The following GRIN2A variants were observed in gnomAD, a reference collection of about 807,000 sequenced individuals.
GRIN2A encodes the protein glutamate receptor ionotropic, NMDA 2A.
A neutral mutation model predicts 113.4 loss-of-function variants in GRIN2A; 22 were observed. That is an observed-to-expected ratio of 0.19 (90% CI 0.14 to 0.28). The LOEUF (loss-of-function observed/expected upper bound fraction) is 0.28. Ranked by LOEUF, GRIN2A falls within the 10% of genes least tolerant of loss-of-function variation. The pLI is 1.00. For synonymous variants in GRIN2A, 827 were observed against 738.4 expected, an observed-to-expected ratio of 1.12 and a Z score of -1.94; for missense variants, 1,502 against 1,887.0, an observed-to-expected ratio of 0.80 and a Z score of 3.78.
At chr16:10,019,564 C>A (rs1384742738) in intron 2 of GRIN2A, among the ~76,000 whole-genome samples, 1 of 152,208 alleles carries the variant, frequency 6.6e-6, no homozygotes, top group Non-Finnish European at 1.5e-5. Flanking sequence ...TGTACATAAA[C>A]AATTTATCTA....
intron 2 of GRIN2A, among the ~76,000 whole-genome samples, chr16:10,118,477 T>G (rs538462358): frequency 4.4e-4 from 67 of 152,308 alleles, no homozygotes; most frequent in South Asian, 1.2e-3. Context: ...AAATCTTCCT[T>G]GAGTGTATAC....
chr16:9,951,438 G>A (rs1046632542), intron 2 of GRIN2A, among the ~76,000 whole-genome samples: 4 of 152,232 alleles, frequency 2.6e-5, no homozygotes, highest in Non-Finnish European at 5.9e-5. Context: ...TCTCATGGGT[G>A]CATTTGTGTT....
intron 11 of GRIN2A, among the ~76,000 whole-genome samples, chr16:9,794,355 C>A (rs779219402): frequency 6.6e-6 from 1 of 152,190 alleles, no homozygotes; most frequent in Non-Finnish European, 1.5e-5. Flanking sequence ...ACTGAAGCTA[C>A]TGTGTAACAA....
At chr16:9,784,299 G>A (rs1399105506) in intron 11 of GRIN2A, among the ~76,000 whole-genome samples, 2 of 151,782 alleles carry the variant, frequency 1.3e-5, no homozygotes, top group African/African-American at 4.8e-5. Flanking sequence ...GCGTGGTGGT[G>A]GGTGCCTGTA....
chr16:9,919,578 G>A (rs903673673), intron 3 of GRIN2A, among the ~76,000 whole-genome samples: 7 of 152,132 alleles, frequency 4.6e-5, no homozygotes, highest in African/African-American at 7.2e-5. Flanking sequence ...GGAAAAGCTG[G>A]TGTCTAACAG....
chr16:9,872,463 G>C (rs1344580798), intron 4 of GRIN2A, among the ~76,000 whole-genome samples: 1 of 152,098 alleles, frequency 6.6e-6, no homozygotes, highest in African/African-American at 2.4e-5. Context: ...TCTAGCTTTT[G>C]TCCCCACTGA....
At position 9,759,186 on chromosome 16, in the gene GRIN2A, C is replaced by A. The variant is rs762196624; in HGVS notation, c.*3963G>T. 9.2e-6 allele frequency: 2 copies of A among 217,062 alleles called. No homozygotes were observed. The highest frequency in any genetic ancestry group is 1.9e-4 in the South Asian group (1 of 5,400). The allele number at this position is 217,062 out of a possible 1,614,324, so 13.4% of individuals were successfully genotyped here. A position where few individuals can be genotyped will look rare whatever the true frequency, so the allele number is the denominator to read the frequency against. On this transcript the variant is annotated 3_prime_UTR_variant, in exon 13 of 13. Transcript: ENST00000330684. ...ATTAGTGTTTATTTAGGTCTTAAACCGCAAGGGATTTCAGTACAAGGTACT... is the reference window on the plus strand; with the variant it reads ...ATTAGTGTTTATTTAGGTCTTAAACAGCAAGGGATTTCAGTACAAGGTACT...
chr16:10,065,621 G>T (rs192071991), intron 2 of GRIN2A, among the ~76,000 whole-genome samples: 3 of 152,276 alleles, frequency 2.0e-5, no homozygotes, highest in Non-Finnish European at 4.4e-5. Context: ...GTTTTTAAAA[G>T]AATTCAGTGA....
chr16:10,058,539 T>C (rs1738949738), intron 2 of GRIN2A, among the ~76,000 whole-genome samples: 1 of 152,222 alleles, frequency 6.6e-6, no homozygotes, highest in Non-Finnish European at 1.5e-5. Flanking sequence ...GTAATTTCTC[T>C]TGGTGAAAAA....
chr16:9,778,448 A>G (rs1279343874), intron 11 of GRIN2A, among the ~76,000 whole-genome samples: 1 of 152,246 alleles, frequency 6.6e-6, no homozygotes, highest in Non-Finnish European at 1.5e-5. Context: ...ATAGTCCTCA[A>G]AATCTGATGA....
At chr16:9,968,086 T>G (rs928926129) in intron 2 of GRIN2A, among the ~76,000 whole-genome samples, 1 of 152,092 alleles carries the variant, frequency 6.6e-6, no homozygotes, top group East Asian at 1.9e-4. Flanking sequence ...TATTGCAACG[T>G]GATTCTTACT....
intron 2 of GRIN2A, among the ~76,000 whole-genome samples, chr16:9,966,474 T>C (rs2045558574): frequency 6.6e-6 from 1 of 152,226 alleles, no homozygotes; most frequent in Non-Finnish European, 1.5e-5. Context: ...GGCTGCATAG[T>C]ATTCTGTGGA....
At chr16:10,032,878 G>C (rs894697276) in intron 2 of GRIN2A, among the ~76,000 whole-genome samples, 6 of 152,172 alleles carry the variant, frequency 3.9e-5, no homozygotes, top group Non-Finnish European at 7.3e-5. Context: ...TCACCCAATG[G>C]AGAGTTTCCT....
At chr16:10,154,168 C>G (rs1015948863) in intron 2 of GRIN2A, among the ~76,000 whole-genome samples, 1 of 152,208 alleles carries the variant, frequency 6.6e-6, no homozygotes, top group African/African-American at 2.4e-5. Flanking sequence ...ACATCCCCCT[C>G]CCCACCTACA....
chr16:9,967,242 A>G (rs1031943510), intron 2 of GRIN2A, among the ~76,000 whole-genome samples: 1 of 152,248 alleles, frequency 6.6e-6, no homozygotes, highest in Non-Finnish European at 1.5e-5. Context: ...GTAGATATAC[A>G]CCACGGAATA....
At chr16:10,114,654 G>A (rs1233651755) in intron 2 of GRIN2A, among the ~76,000 whole-genome samples, 1 of 152,162 alleles carries the variant, frequency 6.6e-6, no homozygotes. Flanking sequence ...TTCTTCAAAA[G>A]GTTATGAACC....
Position 9,934,724 on chromosome 16 carries a change from G to T in GRIN2A, c.1007+3235C>A, listed in dbSNP as rs373189756. Among the ~76,000 whole-genome samples, 78 of 111,006 alleles carry T rather than the reference G, an allele frequency of 7.0e-4. 2 individuals carry two copies. Among genetic ancestry groups the T allele is most frequent in the African/African-American group, 2.4e-3 (71 of 29,750 alleles). 72.8% of individuals were successfully genotyped at this position (111,006 alleles called of 152,430 possible). A position where few individuals can be genotyped will look rare whatever the true frequency, so the allele number is the denominator to read the frequency against. ...AAAAAAAGGAGATATAATCCTTTTT[G>T]TTTTTTTGTTTTTAAATGCTTTCTT... On this transcript the variant is annotated intron_variant, in intron 3 of 12. Transcript: ENST00000330684.
At chr16:9,995,643 G>A (rs1185981898) in intron 2 of GRIN2A, among the ~76,000 whole-genome samples, 1 of 151,346 alleles carries the variant, frequency 6.6e-6, no homozygotes, top group Non-Finnish European at 1.5e-5. Context: ...CAAGGTCCCA[G>A]TCATCTAATA....
chr16:10,072,408 G>A (rs1477054120), intron 2 of GRIN2A, among the ~76,000 whole-genome samples: 5 of 152,318 alleles, frequency 3.3e-5, no homozygotes, highest in South Asian at 2.1e-4. Context: ...TTATGGCTCC[G>A]ATGCCTCTCA....
Sources: allele counts gnomAD v4.1 joint callset (sites outside exome capture counted in the v4.1 genomes callset), GRCh38; gene constraint gnomAD v4.1.1; transcripts MANE v1.5; gene names NCBI Gene and HGNC (gene_info 2026-07-23, HGNC 2026-07-21).